The following MYO1D variants were observed in gnomAD, a reference collection of about 807,000 sequenced individuals.
MYO1D encodes the protein unconventional myosin-Id.
In MYO1D, 83 loss-of-function variants were observed where a neutral mutation model predicts 122.0. The ratio of observed to expected loss-of-function variants is 0.68; its 90% CI spans 0.57 to 0.82. The LOEUF (loss-of-function observed/expected upper bound fraction) is 0.82. MYO1D is among the 40% of genes least tolerant of loss of function. The pLI is 0.00. For missense variants in MYO1D, 1,157 were observed against 1,269.5 expected (o/e 0.91, Z 1.35); for synonymous variants, 464 against 446.9 (o/e 1.04, Z -0.48).
At chr17:32,526,544 T>A (rs1045999609) in intron 21 of MYO1D, among the ~76,000 whole-genome samples, 2 of 152,080 alleles carry the variant, frequency 1.3e-5, no homozygotes, top group Non-Finnish European at 2.9e-5. Context: ...CTTACCCGGA[T>A]AACTGAAAGG....
At chr17:32,555,463 C>T (rs544914520) in intron 21 of MYO1D, among the ~76,000 whole-genome samples, 6 of 151,732 alleles carry the variant, frequency 4.0e-5, no homozygotes, top group African/African-American at 1.5e-4. Context: ...TTTTAATGTA[C>T]TTGTGTATAT....
At position 32,494,735 on chromosome 17, in the gene MYO1D, T is replaced by C. The variant is rs1198708974; in HGVS notation, c.*24A>G. 4 of 1,569,892 alleles carry C rather than the reference T, an allele frequency of 2.5e-6. No individual in the cohort carries two copies. The highest frequency in any genetic ancestry group is 3.5e-6 in the Non-Finnish European group (4 of 1,159,390). Reference sequence around the variant, plus strand: ...CCCAGGACTCGGAGTGTGGCCGGGCTCCGGGCCAGGCCTCCGCGGGGCGTC... The same window carrying C: ...CCCAGGACTCGGAGTGTGGCCGGGCCCCGGGCCAGGCCTCCGCGGGGCGTC... On this transcript the variant is annotated 3_prime_UTR_variant, in exon 22 of 22. Coordinates refer to ENST00000318217, the MANE Select transcript of MYO1D (RefSeq NM_015194.3).
chr17:32,611,141 G>A (rs1304392923), intron 20 of MYO1D, among the ~76,000 whole-genome samples: 1 of 152,152 alleles, frequency 6.6e-6, no homozygotes, highest in Non-Finnish European at 1.5e-5. Context: ...TGAGAAATCA[G>A]AGCAGATGTC....
chr17:32,716,144 T>C (rs376928260), intron 15 of MYO1D, among the ~76,000 whole-genome samples: 1 of 152,234 alleles, frequency 6.6e-6, no homozygotes, highest in East Asian at 1.9e-4. Context: ...GTAATGCGGT[T>C]GCCTCCTTCC....
intron 21 of MYO1D, among the ~76,000 whole-genome samples, chr17:32,584,836 A>T (rs562816224): frequency 2.6e-5 from 4 of 152,166 alleles, no homozygotes; most frequent in Non-Finnish European, 5.9e-5. Flanking sequence ...GGAATGAACA[A>T]ATTTGGAGCT....
intron 20 of MYO1D, among the ~76,000 whole-genome samples, chr17:32,617,503 T>C (rs918457051): frequency 3.3e-5 from 5 of 152,182 alleles, no homozygotes; most frequent in African/African-American, 9.7e-5. Flanking sequence ...TGCAATGGCA[T>C]GATCTCAGCT....
At chr17:32,656,699 T>C (rs1184799511) in intron 17 of MYO1D, among the ~76,000 whole-genome samples, 2 of 152,204 alleles carry the variant, frequency 1.3e-5, no homozygotes, top group Non-Finnish European at 2.9e-5. Context: ...CAGACTGTCC[T>C]AAGATCATTC....
chr17:32,494,537 C>T lies in MYO1D; in HGVS notation c.*222G>A. ...CGTCAGCCCAGGGGTCTGGGCGGGG[C>T]ACCAGGGTCTTTGGCTTATTGAACA... On this transcript the variant is annotated 3_prime_UTR_variant, in exon 22 of 22. Coordinates refer to ENST00000318217, the MANE Select transcript of MYO1D (RefSeq NM_015194.3). 1.7e-6 allele frequency: 1 copy of T among 601,090 alleles called. No individual in the cohort carries two copies. The highest frequency in any genetic ancestry group is 3.0e-5 in the East Asian group (1 of 33,300). 37.2% of individuals were successfully genotyped at this position (601,090 alleles called of 1,614,324 possible). A position where few individuals can be genotyped will look rare whatever the true frequency, so the allele number is the denominator to read the frequency against.
chr17:32,586,589 TTG>T lies in MYO1D; in HGVS notation c.2864+18496_2864+18497del, dbSNP rs569523187. Among the ~76,000 whole-genome samples the T allele has an allele frequency of 4.3e-4, 66 of 152,310 alleles. 3 individuals are homozygous for T. In the South Asian group the frequency reaches 0.014, roughly 32 times the overall value. On this transcript the variant is annotated intron_variant, in intron 21 of 21. Coordinates refer to ENST00000318217, the MANE Select transcript of MYO1D (RefSeq NM_015194.3). ...CATTCAAGTCATTGTTTAAGAAAAA[TTG>T]TGTTAGTTTTACCCAATTTCTTCTC...
At chr17:32,772,927 C>A in intron 4 of MYO1D, 85 bp from the exon 5 acceptor site, 1 of 1,062,370 alleles carries the variant, frequency 9.4e-7, no homozygotes. Context: ...AACTGTCAGG[C>A]CTCTGAGCCC....
Position 32,654,567 on chromosome 17 carries a change from G to C in MYO1D, c.2400C>G (p.Val800=). 1 of 1,613,892 alleles carries C rather than the reference G, an allele frequency of 6.2e-7. No individual in the cohort carries two copies. The highest frequency in any genetic ancestry group is 8.5e-7 in the Non-Finnish European group (1 of 1,179,882). The change falls in exon 18 of 22, where the codon GTC becomes GTG. Residue 800 remains valine, a synonymous_variant. Transcript: ENST00000318217. ...KSIPASDLPQ[V]RAKVAAVEML... The stretch of plus-strand genomic sequence containing the variant: ...TTTCCACGGCTGCAACCTTTGCCCT[G>C]ACCTGGGGCAGGTCTGAGGCCGGAA...
intron 1 of MYO1D, among the ~76,000 whole-genome samples, chr17:32,823,403 A>G (rs947493427): frequency 2.0e-5 from 3 of 152,228 alleles, no homozygotes; most frequent in East Asian, 3.9e-4. Flanking sequence ...AGAGAAGGAA[A>G]CTGAGGCATA....
At chr17:32,546,290 CTTG>C (rs1429293668) in intron 21 of MYO1D, among the ~76,000 whole-genome samples, 1 of 152,204 alleles carries the variant, frequency 6.6e-6, no homozygotes, top group African/African-American at 2.4e-5. Flanking sequence ...AAATCACCAA[CTTG>C]TTGTGACAGG....
At chr17:32,694,510 G>A (rs1259868301) in intron 16 of MYO1D, among the ~76,000 whole-genome samples, 1 of 151,766 alleles carries the variant, frequency 6.6e-6, no homozygotes, top group Non-Finnish European at 1.5e-5. Flanking sequence ...GACCATCCTG[G>A]CTAACAAGGT....
Position 32,659,203 on chromosome 17 carries a change from T to C in MYO1D, c.2257A>G (p.Met753Val), listed in dbSNP as rs779640861. ...VARRFHGVKT[M>V]RDYGKHVKWP... ...TTCACGTGCTTCCCGTAGTCTCGCA[T>C]GGTCTTGACGCCATGGAAGCGTCTG... Residue 753 changes from methionine to valine, a missense_variant, in exon 17 of 22, where the codon ATG becomes GTG. Met to Val is a conservative substitution (Grantham distance 21). Coordinates refer to ENST00000318217, the MANE Select transcript of MYO1D (RefSeq NM_015194.3). 2 of 1,614,232 alleles carry C rather than the reference T, an allele frequency of 1.2e-6. No individual in the cohort carries two copies. The highest frequency in any genetic ancestry group is 1.7e-6 in the Non-Finnish European group (2 of 1,180,036).
At chr17:32,592,706 C>CTG (rs59733722) in intron 21 of MYO1D, among the ~76,000 whole-genome samples, 67,756 of 148,668 alleles carry the variant, frequency 0.46, 16,083 homozygotes, top group Middle Eastern at 0.57. Flanking sequence ...AACAATCTAG[C>CTG]TGTTACAAAT....
Position 32,838,830 on chromosome 17 carries a change from T to C in MYO1D, c.95+37948A>G, listed in dbSNP as rs1017417972. Among the ~76,000 whole-genome samples, 12 of 152,328 alleles carry C rather than the reference T, an allele frequency of 7.9e-5. No individual in the cohort carries two copies. In the East Asian group the frequency reaches 2.3e-3, roughly 29 times the overall value. ...ATATTAACAACTGACTCAATACTCT[T>C]CTTCAAACTTTTCTATGCTACTTTC... On this transcript the variant is annotated intron_variant, in intron 1 of 21. Transcript: ENST00000318217.
At chr17:32,528,436 T>C (rs1910411678) in intron 21 of MYO1D, among the ~76,000 whole-genome samples, 1 of 151,676 alleles carries the variant, frequency 6.6e-6, no homozygotes, top group African/African-American at 2.4e-5. Flanking sequence ...AACTTAGGGG[T>C]GTGTATATGT....
At chr17:32,581,573 C>A (rs565622494) in intron 21 of MYO1D, among the ~76,000 whole-genome samples, 1 of 151,080 alleles carries the variant, frequency 6.6e-6, no homozygotes, top group Non-Finnish European at 1.5e-5. Context: ...ATGCCCCTCT[C>A]GCTCTCTTTT....
Sources: gnomAD v4.1 joint callset for allele counts (sites outside exome capture counted in the v4.1 genomes callset) on GRCh38, gnomAD v4.1.1 for gene constraint, MANE v1.5 for transcripts, NCBI Gene and HGNC (gene_info 2026-07-23, HGNC 2026-07-21) for gene names.